SZT2: variants seen among roughly 807,000 people sequenced by gnomAD.
SZT2 encodes KICSTOR complex protein SZT2.
SZT2 carries 216 observed loss-of-function variants against 404.2 expected under a neutral mutation model. The observed-to-expected ratio is 0.53, with a 90% CI of 0.48 to 0.60. The LOEUF (loss-of-function observed/expected upper bound fraction) is 0.60. Among genes scored for constraint, SZT2 ranks in the 20% least tolerant of loss-of-function variants. The probability of loss-of-function intolerance (pLI) is 0.00; values close to 1 mark genes in which losing one functional copy is unlikely to be tolerated. For synonymous variants in SZT2, 1,693 were observed against 1,749.9 expected (o/e 0.97, Z 0.81); for missense variants, 3,857 against 4,459.2 (o/e 0.86, Z 3.85).
At chr1:43,422,662 GCCCCCCCA>G (rs1652525014) in intron 13 of SZT2, 30 bp downstream of exon 13, 39 of 1,236,938 alleles carry the variant, frequency 3.2e-5, no homozygotes, top group Non-Finnish European at 3.7e-5. Flanking sequence ...TTCACCCCCC[GCCCCCCCA>G]CCCCCCCGCC....
chr1:43,391,093 T>C (rs1648252369), intron 1 of SZT2, among the ~76,000 whole-genome samples: 2 of 152,152 alleles, frequency 1.3e-5, no homozygotes, highest in African/African-American at 2.4e-5. Context: ...GGTGGGCAGA[T>C]CACCTGAGGT....
intron 33 of SZT2, 76 bp downstream of exon 33, chr1:43,431,166 G>A (rs1653822754): frequency 5.7e-6 from 9 of 1,576,700 alleles, no homozygotes; most frequent in Non-Finnish European, 7.7e-6. Context: ...TAGAGCACTT[G>A]GGGACTAAGG....
In SZT2 at chr1:43,421,219, C is replaced by G. The variant is rs1049186568; in HGVS notation, c.1542C>G (p.Ser514=). The change falls in exon 11 of 72, where the codon TCC becomes TCG. Residue 514 remains serine (S), a synonymous_variant. Coordinates refer to ENST00000634258, the MANE Select transcript of SZT2 (RefSeq NM_001365999.1). ...DQMLAHLQSF[S]SVPEHFTLPD... ...TGCTTGCCCACCTTCAGTCCTTCTC[C>G]TCAGTGCCTGAGCATTTCACGCTTC... 1.6e-5 allele frequency: 26 copies of G among 1,598,458 alleles called. No homozygotes were observed. The highest frequency in any genetic ancestry group is 2.1e-5 in the Non-Finnish European group (25 of 1,179,818).
At position 43,454,018 on chromosome 1, in the gene SZT2, C is replaced by G. The variant is rs1188667403; in HGVS notation, c.*3538C>G. 1 of 1,169,112 alleles carries G rather than the reference C, an allele frequency of 8.6e-7. No homozygotes were observed. The highest frequency in any genetic ancestry group is 1.1e-6 in the Non-Finnish European group (1 of 948,466). 72.4% of individuals were successfully genotyped at this position (1,169,112 alleles called of 1,614,324 possible). A position where few individuals can be genotyped will look rare whatever the true frequency, so the allele number is the denominator to read the frequency against. On this transcript the variant is annotated 3_prime_UTR_variant, in exon 72 of 72. Transcript: ENST00000634258. ...GAGAGGCGAAGGGGCGGAGCGAGGGCGGCCGGAAAAGGAGCAGGACCCGCG... is the reference window on the plus strand; with the variant it reads ...GAGAGGCGAAGGGGCGGAGCGAGGGGGGCCGGAAAAGGAGCAGGACCCGCG...
intron 11 of SZT2, 89 bp from the exon 12 acceptor site, chr1:43,421,994 G>A (rs1033364272): frequency 4.9e-5 from 69 of 1,400,144 alleles, no homozygotes; most frequent in Middle Eastern, 1.9e-4. Flanking sequence ...CTCTCTGAAC[G>A]GAGTCCACCC....
Position 43,439,236 on chromosome 1 carries a change from C to A in SZT2, c.6793-122C>A. The A allele has an allele frequency of 1.3e-6, 2 of 1,514,218 alleles. No homozygotes were observed. Among genetic ancestry groups the A allele is most frequent in the Non-Finnish European group, 1.8e-6 (2 of 1,096,180 alleles). The allele number at this position is 1,514,218 out of a possible 1,614,324, so 93.8% of individuals were successfully genotyped here. The stretch of plus-strand genomic sequence containing the variant: ...CATGCCCCCCCGGGGACCATTATTA[C>A]CCGCCTGTGTCTTCTCATGCTCCCA... On this transcript the variant is annotated intron_variant, in intron 48 of 71. Transcript: ENST00000634258. The surrounding 1 kb of genome is among the most constrained non-coding windows in gnomAD (Gnocchi z 4.2).
chr1:43,412,741 T>G (rs1651219971), intron 4 of SZT2: 1 of 152,000 alleles, frequency 6.6e-6, no homozygotes, highest in South Asian at 2.1e-4. Context: ...AAACCACCCA[T>G]CTGACAAGGG....
At position 43,439,163 on chromosome 1, in the gene SZT2, C is replaced by T; in HGVS notation, c.6792+70C>T. 6.3e-7 allele frequency: 1 copy of T among 1,599,130 alleles called. No homozygotes were observed. Among genetic ancestry groups the T allele is most frequent in the Non-Finnish European group, 8.5e-7 (1 of 1,169,822 alleles). Reference sequence around the variant, plus strand: ...CCCCTGCCCCACGCACTTACTCTTTCCTACCGATACCCCTATATGTACCTT... The same window carrying T: ...CCCCTGCCCCACGCACTTACTCTTTTCTACCGATACCCCTATATGTACCTT... On this transcript the variant is annotated intron_variant, in intron 48 of 71. Transcript: ENST00000634258. This position sits in a 1 kb window ranked among gnomAD's most constrained non-coding sequence, Gnocchi z 4.2.
chr1:43,419,397 T>C (rs1652074856), intron 7 of SZT2, among the ~76,000 whole-genome samples: 1 of 152,236 alleles, frequency 6.6e-6, no homozygotes. Context: ...TCATACACCC[T>C]AAAGTTTGAG....
Position 43,426,962 on chromosome 1 carries a change from T to C in SZT2, c.3310-94T>C. 6.3e-7 allele frequency: 1 copy of C among 1,579,722 alleles called. No homozygotes were observed. Among genetic ancestry groups the C allele is most frequent in the Non-Finnish European group, 8.6e-7 (1 of 1,157,530 alleles). ...TTCCATTGTCCTGGATCTTTCAAGC[T>C]ATACCTAAGATGAGTCAGCTCTAGG... is the stretch of plus-strand genomic sequence containing the variant. On this transcript the variant is annotated intron_variant, in intron 23 of 71. Coordinates refer to ENST00000634258, the MANE Select transcript of SZT2 (RefSeq NM_001365999.1). The surrounding 1 kb of genome is among the most constrained non-coding windows in gnomAD (Gnocchi z 4.9).
Position 43,441,441 on chromosome 1 carries a change from T to C in SZT2, c.7511+61T>C. On this transcript the variant is annotated intron_variant, in intron 53 of 71. Coordinates refer to ENST00000634258, the MANE Select transcript of SZT2 (RefSeq NM_001365999.1). The surrounding 1 kb of genome is among the most constrained non-coding windows in gnomAD (Gnocchi z 4.8). The stretch of plus-strand genomic sequence containing the variant: ...TGGGTGTGAAGTCACAGATGGGCCT[T>C]GGTCTGTATAAACATACAAGTGTCA... The C allele has an allele frequency of 6.2e-7, 1 of 1,610,286 alleles. No individual in the cohort carries two copies. The highest frequency in any genetic ancestry group is 1.1e-5 in the South Asian group (1 of 90,498).
In SZT2 at chr1:43,453,666, T is replaced by G; in HGVS notation, c.*3186T>G. ...GGCGCGCGCCAGCGCCTCAGGCGTC[T>G]CCGCGTACGGCCAGGCCACCTCGAC... is the stretch of plus-strand genomic sequence containing the variant. On this transcript the variant is annotated 3_prime_UTR_variant, in exon 72 of 72. Transcript: ENST00000634258. 1 of 1,482,680 alleles carries G rather than the reference T, an allele frequency of 6.7e-7. No individual in the cohort carries two copies. The highest frequency in any genetic ancestry group is 1.3e-5 in the South Asian group (1 of 77,854). 91.8% of individuals were successfully genotyped at this position (1,482,680 alleles called of 1,614,324 possible).
In SZT2 at chr1:43,442,293, G is replaced by A; in HGVS notation, c.7899G>A (p.Glu2633=). ...QQAAKAMQRF[E]PGGDGSSGRN... is the part of the protein sequence containing the mutation. ...CTGCCAAAGCCATGCAGCGCTTCGA[G>A]CCAGGAGGTGATGGGAGCTCAGGGC... The change falls in exon 57 of 72, where the codon GAG becomes GAA. Residue 2633 remains glutamate (E), a synonymous_variant. Coordinates refer to ENST00000634258, the MANE Select transcript of SZT2 (RefSeq NM_001365999.1). This position sits in a 1 kb window ranked among gnomAD's most constrained non-coding sequence, Gnocchi z 4.5. 6.2e-7 allele frequency: 1 copy of A among 1,614,046 alleles called. No individual in the cohort carries two copies. Among genetic ancestry groups the A allele is most frequent in the Non-Finnish European group, 8.5e-7 (1 of 1,179,962 alleles).
Position 43,425,884 on chromosome 1 carries a change from A to G in SZT2, c.2864A>G (p.Tyr955Cys), listed in dbSNP as rs767898126. Residue 955 changes from tyrosine to cysteine, a missense_variant, in exon 20 of 72, where the codon TAC becomes TGC. Transcript: ENST00000634258. This position sits in a 1 kb window ranked among gnomAD's most constrained non-coding sequence, Gnocchi z 4.3. ...ATAGGCTCCATGCTGAGCTTTGAATACCTGATACAGCTGTGTCAGAGCAAG... is the reference window on the plus strand; with the variant it reads ...ATAGGCTCCATGCTGAGCTTTGAATGCCTGATACAGCTGTGTCAGAGCAAG... The part of the protein sequence containing the change: ...ACIGSMLSFE[Y>C]LIQLCQSKEW... 2.0e-5 allele frequency: 32 copies of G among 1,613,932 alleles called. No individual in the cohort carries two copies. The South Asian group carries it at 3.3e-4, about 17-fold the overall frequency.
At chr1:43,412,468 T>A (rs1224633180) in intron 4 of SZT2, 2 of 152,116 alleles carry the variant, frequency 1.3e-5, no homozygotes, top group African/African-American at 4.8e-5. Context: ...TAATTTTTAG[T>A]TTTTTTGTAG....
In SZT2 at chr1:43,425,411, C is replaced by G. The variant is rs1478987010; in HGVS notation, c.2646-63C>G. The G allele has an allele frequency of 1.9e-6, 3 of 1,600,142 alleles. No individual in the cohort carries two copies. Among genetic ancestry groups the G allele is most frequent in the African/African-American group, 2.7e-5 (2 of 74,872 alleles). On this transcript the variant is annotated intron_variant, in intron 18 of 71. Transcript: ENST00000634258. This position sits in a 1 kb window ranked among gnomAD's most constrained non-coding sequence, Gnocchi z 4.3. The stretch of plus-strand genomic sequence containing the variant: ...CTGTCCTCTGTGCCTGCCTCCTTCC[C>G]TCCATGAGGTTCACTCCCTGCCATG...
intron 7 of SZT2, among the ~76,000 whole-genome samples, chr1:43,417,003 C>A (rs892812946): frequency 5.3e-5 from 8 of 152,282 alleles, no homozygotes; most frequent in East Asian, 3.9e-4. Flanking sequence ...CCAGGGACTG[C>A]AGCTAATTTG....
In SZT2 at chr1:43,429,740, A is replaced by G; in HGVS notation, c.4204A>G (p.Ser1402Gly). The change falls in exon 29 of 72, where the codon AGC (serine) becomes GGC (glycine). Residue 1402 changes from serine to glycine, a missense_variant. By Grantham distance (56) the Ser-to-Gly change is moderately conservative (BLOSUM62 0). Around this residue, in one of 7 missense-constraint regions of SZT2, gnomAD observed 1,725 missense variants for 1,881.0 expected, o/e 0.92. Transcript: ENST00000634258. ...TEDLSEPEFQSTRVPGIPDPG... is the reference protein window; with the variant it reads ...TEDLSEPEFQGTRVPGIPDPG... ...GGACCTAAGCGAGCCTGAGTTTCAGAGCACCCGTGTCCCTGGCATTCCAGA... is the reference window on the plus strand; with the variant it reads ...GGACCTAAGCGAGCCTGAGTTTCAGGGCACCCGTGTCCCTGGCATTCCAGA... The G allele has an allele frequency of 6.2e-7, 1 of 1,614,172 alleles. No individual in the cohort carries two copies. The highest frequency in any genetic ancestry group is 8.5e-7 in the Non-Finnish European group (1 of 1,180,028).
Position 43,423,268 on chromosome 1 carries a change from G to A in SZT2, c.2207G>A (p.Arg736Gln), listed in dbSNP as rs778561137. 18 of 1,571,026 alleles carry A rather than the reference G, an allele frequency of 1.1e-5. No individual in the cohort carries two copies. The highest frequency in any genetic ancestry group is 1.7e-4 in the Middle Eastern group (1 of 5,892). ...GGGCCACAGCAGGCCCTGTCTGACC[G>A]GCCCTGCCTTGTGGTCCTGCATAAG... Reference protein sequence around the residue: ...VLGPQQALSDRPCLVVLHKPL... With the variant: ...VLGPQQALSDQPCLVVLHKPL... Residue 736 changes from arginine (R) to glutamine (Q), a missense_variant, in exon 15 of 72, where the codon CGG becomes CAG. Around this residue, in one of 7 missense-constraint regions of SZT2, gnomAD observed 1,725 missense variants for 1,881.0 expected, o/e 0.92. Coordinates refer to ENST00000634258, the MANE Select transcript of SZT2 (RefSeq NM_001365999.1).
Sources: allele counts gnomAD v4.1 joint callset (sites outside exome capture counted in the v4.1 genomes callset), GRCh38; gene constraint gnomAD v4.1.1; regional missense constraint gnomAD v4.1.1; non-coding constraint Gnocchi (gnomAD v3.1); transcripts MANE v1.5; gene names NCBI Gene and HGNC (gene_info 2026-07-23, HGNC 2026-07-21).